Variants in MCTP1 observed in about 807,000 individuals in gnomAD.
MCTP1 encodes multiple C2 and transmembrane domain-containing protein 1.
A neutral mutation model predicts 120.6 loss-of-function variants in MCTP1; 69 were observed. That is an observed-to-expected ratio of 0.57 (90% CI 0.47 to 0.70). The LOEUF (loss-of-function observed/expected upper bound fraction) is 0.70, where lower values mean the gene tolerates loss of function less well. MCTP1 is among the 30% of genes least tolerant of loss of function. The pLI, the probability that MCTP1 is intolerant of heterozygous loss-of-function variation, is 0.00. For missense variants in MCTP1, 1,203 were observed against 1,248.8 expected (o/e 0.96, Z 0.55); for synonymous variants, 529 against 493.1 (o/e 1.07, Z -0.96).
chr5:95,069,425 C>G (rs547911650), intron 1 of MCTP1, among the ~76,000 whole-genome samples: 1 of 148,982 alleles, frequency 6.7e-6, no homozygotes, highest in East Asian at 2.0e-4. Context: ...CTTTGTCAAC[C>G]CAGCCTTTGG....
chr5:95,199,575 T>C (rs922881795), intron 1 of MCTP1, among the ~76,000 whole-genome samples: 4 of 152,134 alleles, frequency 2.6e-5, no homozygotes, highest in Non-Finnish European at 5.9e-5. Flanking sequence ...AGACAAAAGA[T>C]TGCTGGGTGT....
intron 1 of MCTP1, among the ~76,000 whole-genome samples, chr5:95,124,062 C>T (rs1294548863): frequency 6.6e-6 from 1 of 152,198 alleles, no homozygotes; most frequent in Non-Finnish European, 1.5e-5. Flanking sequence ...AACACGTACA[C>T]ATTTAAGAGT....
rs994277794 is a variant in MCTP1 at position 94,970,764 on chromosome 5, C to T, written c.839-17403G>A. Among the ~76,000 whole-genome samples, 7 of 151,802 alleles carry T rather than the reference C, an allele frequency of 4.6e-5. No individual in the cohort carries two copies. In the South Asian group the frequency reaches 6.2e-4, roughly 14 times the overall value. ...AAAAAATCACATCTAAAAAATTAAACGTTTTTTAAAAGAACTTTAACTTTC... is the reference window on the plus strand; with the variant it reads ...AAAAAATCACATCTAAAAAATTAAATGTTTTTTAAAAGAACTTTAACTTTC... On this transcript the variant is annotated intron_variant, in intron 2 of 22. Coordinates refer to ENST00000515393, the MANE Select transcript of MCTP1 (RefSeq NM_024717.7).
At chr5:94,856,274 AG>A (rs1443344856) in intron 17 of MCTP1, among the ~76,000 whole-genome samples, 1 of 151,766 alleles carries the variant, frequency 6.6e-6, no homozygotes, top group Non-Finnish European at 1.5e-5. Context: ...TCTTCTATAA[AG>A]GAAAGCATTT....
At chr5:94,784,745 T>C (rs1399390673) in intron 18 of MCTP1, 2 of 151,850 alleles carry the variant, frequency 1.3e-5, no homozygotes, top group Non-Finnish European at 2.9e-5. Flanking sequence ...GTAATAATAA[T>C]TAGTGTGATA....
At chr5:94,718,191 T>A (rs759658181) in intron 19 of MCTP1, among the ~76,000 whole-genome samples, 35 of 151,772 alleles carry the variant, frequency 2.3e-4, no homozygotes, top group Admixed American at 7.2e-4. Context: ...AGAAAAGAGA[T>A]CTCAGAAATA....
At position 95,284,211 on chromosome 5, in the gene MCTP1, C is replaced by T; in HGVS notation, c.365G>A (p.Arg122His). The T allele has an allele frequency of 6.4e-7, 1 of 1,571,742 alleles. No individual in the cohort carries two copies. The highest frequency in any genetic ancestry group is 8.6e-7 in the Non-Finnish European group (1 of 1,163,794). Residue 122 changes from arginine to histidine, a missense_variant, in exon 1 of 23, where the codon CGC becomes CAC. Arg to His is a conservative substitution (Grantham distance 29). Around this residue, in one of 2 missense-constraint regions of MCTP1, gnomAD observed 463 missense variants for 377.8 expected, o/e 1.23. Transcript: ENST00000515393. This position sits in a 1 kb window ranked among gnomAD's most constrained non-coding sequence, Gnocchi z 5.2. The stretch of plus-strand genomic sequence containing the variant: ...GAGCAAATGCTCGCGGATCCGGCGG[C>T]GTAGCGTGGACCCCTGCTCGGCTCT... ...AGRAEQGSTL[R>H]RRIREHLLPA...
chr5:94,920,136 C>A (rs57595466), intron 7 of MCTP1, among the ~76,000 whole-genome samples: 2 of 152,126 alleles, frequency 1.3e-5, no homozygotes. Context: ...GCTTTTACTA[C>A]GTTTGTTCGA....
intron 1 of MCTP1, among the ~76,000 whole-genome samples, chr5:95,061,354 GT>G (rs996635002): frequency 2.3e-3 from 248 of 107,388 alleles, no homozygotes; most frequent in African/African-American, 7.3e-3. Context: ...CTTTATACAT[GT>G]TTTTTTTTGT....
intron 1 of MCTP1, among the ~76,000 whole-genome samples, chr5:95,150,613 T>C (rs963116881): frequency 2.0e-5 from 3 of 152,184 alleles, no homozygotes; most frequent in African/African-American, 7.2e-5. Context: ...CCTGGAAACG[T>C]GGTTATCATA....
At chr5:94,904,236 T>A (rs1434968034) in intron 10 of MCTP1, among the ~76,000 whole-genome samples, 1 of 152,052 alleles carries the variant, frequency 6.6e-6, no homozygotes, top group Non-Finnish European at 1.5e-5. Context: ...AATACAAGAG[T>A]GTGATGAAAT....
At chr5:95,135,998 G>A (rs975032722) in intron 1 of MCTP1, among the ~76,000 whole-genome samples, 1 of 152,208 alleles carries the variant, frequency 6.6e-6, no homozygotes. Context: ...AATTAGAGTA[G>A]ATTTCAATAT....
chr5:94,717,819 G>A (rs1399803811), intron 19 of MCTP1, among the ~76,000 whole-genome samples: 2 of 152,002 alleles, frequency 1.3e-5, no homozygotes. Flanking sequence ...ACAAGGGAAG[G>A]GAAGGACCTC....
chr5:94,743,562 T>C (rs1307559597), intron 19 of MCTP1, among the ~76,000 whole-genome samples: 1 of 151,854 alleles, frequency 6.6e-6, no homozygotes, highest in African/African-American at 2.4e-5. Context: ...CCAGTCATCA[T>C]GGCCATGTTG....
intron 19 of MCTP1, among the ~76,000 whole-genome samples, chr5:94,731,577 T>C (rs193176219): frequency 6.6e-6 from 1 of 152,346 alleles, no homozygotes; most frequent in Admixed American, 6.5e-5. Context: ...CCTCTGTTTA[T>C]GAATGCTCCC....
intron 1 of MCTP1, among the ~76,000 whole-genome samples, chr5:95,087,737 T>G (rs1250762695): frequency 7.9e-5 from 12 of 152,160 alleles, no homozygotes; most frequent in Admixed American, 7.9e-4. Context: ...TGCTAGAGGC[T>G]GGTGGCCTTC....
intron 19 of MCTP1, among the ~76,000 whole-genome samples, chr5:94,759,865 C>A (rs1446292690): frequency 1.5e-5 from 1 of 67,790 alleles, no homozygotes; most frequent in African/African-American, 6.0e-5. Context: ...TTTTTTTGTT[C>A]TTTCTTTGCA....
At chr5:94,932,775 T>C (rs1449306294) in intron 5 of MCTP1, among the ~76,000 whole-genome samples, 1 of 152,044 alleles carries the variant, frequency 6.6e-6, no homozygotes, top group Non-Finnish European at 1.5e-5. Context: ...CTATTATGTT[T>C]AAGGCAGATG....
At chr5:95,121,543 GAATT>G (rs1475278808) in intron 1 of MCTP1, among the ~76,000 whole-genome samples, 3 of 151,622 alleles carry the variant, frequency 2.0e-5, no homozygotes, top group Non-Finnish European at 4.4e-5. Context: ...TGGATTAGAA[GAATT>G]AATATTGTTA....
Sources: gnomAD v4.1 joint callset for allele counts (sites outside exome capture counted in the v4.1 genomes callset) on GRCh38, gnomAD v4.1.1 for gene constraint, gnomAD v4.1.1 regional missense constraint, Gnocchi (gnomAD v3.1) non-coding constraint, MANE v1.5 for transcripts, NCBI Gene and HGNC (gene_info 2026-07-23, HGNC 2026-07-21) for gene names.